Variants in ANKRD62 observed in about 807,000 individuals in gnomAD.
ANKRD62 encodes ankyrin repeat domain-containing protein 62.
ANKRD62 carries 61 observed loss-of-function variants against 98.8 expected under a neutral mutation model. The ratio of observed to expected loss-of-function variants is 0.62; its 90% CI spans 0.50 to 0.76. The LOEUF (loss-of-function observed/expected upper bound fraction) is 0.76, where lower values mean the gene tolerates loss of function less well. ANKRD62 is among the 30% of genes least tolerant of loss of function. The pLI is 0.00. For missense variants in ANKRD62, 933 were observed against 1,082.9 expected (o/e 0.86, Z 1.94); for synonymous variants, 341 against 367.9 (o/e 0.93, Z 0.84).
the ANKRD62 span, among the ~76,000 whole-genome samples, chr18:12,151,001 A>C: frequency 1.3e-5 from 2 of 152,244 alleles, no homozygotes; most frequent in Non-Finnish European, 2.9e-5. Context: ...GGCAAGGTGC[A>C]TATAAAACAA....
At position 12,126,201 on chromosome 18, in the gene ANKRD62, C is replaced by T. The variant is rs192904676; in HGVS notation, c.2380C>T (p.Arg794Cys). ...GTATCAACAGCAGTGTAATGATGCT[C>T]GCAAGAAAGCTGACAATCAGGAGAA... Reference protein sequence around the residue: ...LLYQQQCNDARKKADNQEKTI... With the variant: ...LLYQQQCNDACKKADNQEKTI... Residue 794 changes from arginine to cysteine, a missense_variant, in exon 13 of 14, where the codon CGC becomes TGC. Around this residue, in one of 3 missense-constraint regions of ANKRD62, gnomAD observed 362 missense variants for 434.5 expected, o/e 0.83. Transcript: ENST00000587848. 27 of 1,535,982 alleles carry T rather than the reference C, an allele frequency of 1.8e-5. No individual in the cohort carries two copies. The highest frequency in any genetic ancestry group is 1.2e-4 in the African/African-American group (9 of 73,146).
intron 7 of ANKRD62, among the ~76,000 whole-genome samples, chr18:12,105,339 A>G (rs1481928731): frequency 1.3e-5 from 2 of 152,250 alleles, no homozygotes; most frequent in African/African-American, 2.4e-5. Context: ...GTGACAGAGC[A>G]TTAAAAGTAC....
the ANKRD62 span, among the ~76,000 whole-genome samples, chr18:12,158,928 A>G: frequency 7.2e-5 from 11 of 152,076 alleles, no homozygotes; most frequent in African/African-American, 2.2e-4. Context: ...GTGAATATAT[A>G]TGATTTTAAA....
chr18:12,130,781 C>T (rs1021999035), downstream of ANKRD62, among the ~76,000 whole-genome samples: 1 of 151,996 alleles, frequency 6.6e-6, no homozygotes, highest in Non-Finnish European at 1.5e-5. Context: ...CAACCTCTGC[C>T]TCCCAGGTTC....
At chr18:12,140,387 T>G in the ANKRD62 span, among the ~76,000 whole-genome samples, 2 of 152,212 alleles carry the variant, frequency 1.3e-5, no homozygotes, top group African/African-American at 4.8e-5. Context: ...CCATTGCTGG[T>G]GAGGAGCTGC....
At chr18:12,150,096 AC>A in the ANKRD62 span, among the ~76,000 whole-genome samples, 2 of 152,260 alleles carry the variant, frequency 1.3e-5, no homozygotes, top group African/African-American at 4.8e-5. Flanking sequence ...GGAAAAAAAA[AC>A]ACCACCACCA....
intron 6 of ANKRD62, chr18:12,101,979 A>T: frequency 9.4e-7 from 1 of 1,066,626 alleles, no homozygotes; most frequent in Non-Finnish European, 1.5e-6. Flanking sequence ...TCAAAGTATT[A>T]AGTCAGAAAG....
the ANKRD62 span, among the ~76,000 whole-genome samples, chr18:12,149,862 G>GT: frequency 6.8e-6 from 1 of 147,598 alleles, no homozygotes; most frequent in Non-Finnish European, 1.5e-5. Flanking sequence ...GAGAACTCTG[G>GT]TAACTCAAAT....
chr18:12,181,374 A>G, the ANKRD62 span, among the ~76,000 whole-genome samples: 2 of 152,190 alleles, frequency 1.3e-5, no homozygotes, highest in Non-Finnish European at 2.9e-5. Context: ...AATAACATTC[A>G]CCATATATTT....
the ANKRD62 span, among the ~76,000 whole-genome samples, chr18:12,139,049 G>A: frequency 1.3e-5 from 2 of 152,070 alleles, no homozygotes; most frequent in African/African-American, 2.4e-5. Context: ...TTACATTTAA[G>A]GTTAGTATTG....
At chr18:12,095,684 G>A in intron 3 of ANKRD62, 74 bp downstream of exon 3, 4 of 1,298,962 alleles carry the variant, frequency 3.1e-6, no homozygotes, top group Middle Eastern at 2.3e-4. Context: ...ATTTTTTTTA[G>A]TAAAACATCT....
intron 10 of ANKRD62, among the ~76,000 whole-genome samples, chr18:12,116,064 T>A: frequency 6.6e-6 from 1 of 152,178 alleles, no homozygotes; most frequent in East Asian, 1.9e-4. Flanking sequence ...GCCCCAGGTG[T>A]TTGCTCCTAC....
chr18:12,166,600 A>AT, the ANKRD62 span, among the ~76,000 whole-genome samples: 1 of 151,994 alleles, frequency 6.6e-6, no homozygotes, highest in Non-Finnish European at 1.5e-5. Context: ...GAAAAGTCAC[A>AT]TATCTCTGTT....
chr18:12,132,557 G>A (rs780170513), downstream of ANKRD62, among the ~76,000 whole-genome samples: 3 of 151,998 alleles, frequency 2.0e-5, no homozygotes, highest in South Asian at 4.2e-4. Context: ...ATGCCTTCTC[G>A]ATCTTCGGGG....
At chr18:12,139,387 G>T in the ANKRD62 span, among the ~76,000 whole-genome samples, 1 of 152,144 alleles carries the variant, frequency 6.6e-6, no homozygotes, top group African/African-American at 2.4e-5. Context: ...GCTCATGCCT[G>T]TAATCACAGC....
intron 13 of ANKRD62, among the ~76,000 whole-genome samples, chr18:12,126,632 A>G (rs1311376921): frequency 1.3e-5 from 2 of 152,246 alleles, no homozygotes; most frequent in Non-Finnish European, 2.9e-5. Context: ...AAATGTTAAT[A>G]TAGACTAACA....
At chr18:12,171,470 C>T in the ANKRD62 span, among the ~76,000 whole-genome samples, 1 of 152,204 alleles carries the variant, frequency 6.6e-6, no homozygotes, top group African/African-American at 2.4e-5. Flanking sequence ...TTGGCCCCCA[C>T]TCTCTTCTGG....
downstream of ANKRD62, among the ~76,000 whole-genome samples, chr18:12,132,111 T>C (rs778927309): frequency 6.0e-4 from 91 of 152,148 alleles, no homozygotes; most frequent in Non-Finnish European, 1.1e-3. Flanking sequence ...TCAACAATAC[T>C]TTTTAGTTAT....
the ANKRD62 span, among the ~76,000 whole-genome samples, chr18:12,163,403 T>C: frequency 6.6e-6 from 1 of 152,098 alleles, no homozygotes; most frequent in African/African-American, 2.4e-5. Flanking sequence ...GGTTTTTGTT[T>C]GTGTGTGAAG....
Sources: allele counts gnomAD v4.1 joint callset (sites outside exome capture counted in the v4.1 genomes callset), GRCh38; gene constraint gnomAD v4.1.1; regional missense constraint gnomAD v4.1.1; transcripts MANE v1.5; gene names NCBI Gene and HGNC (gene_info 2026-07-23, HGNC 2026-07-21).